The following FYB1 variants were observed in gnomAD, a reference collection of about 807,000 sequenced individuals.
The protein encoded by FYB1 is FYN binding protein 1, also known as FYN-binding protein 1.
In FYB1, 41 loss-of-function variants were observed where a neutral mutation model predicts 94.1. That is an observed-to-expected ratio of 0.44 (90% CI 0.34 to 0.57). FYB1 has a LOEUF of 0.57. Ranked by LOEUF, FYB1 falls within the 20% of genes least tolerant of loss-of-function variation. The pLI is 0.02. For missense variants in FYB1, 1,050 were observed against 976.8 expected (o/e 1.07, Z -1.00); for synonymous variants, 367 against 353.2 (o/e 1.04, Z -0.44).
At chr5:39,155,669 G>C (rs1743682689) in intron 2 of FYB1, among the ~76,000 whole-genome samples, 1 of 151,962 alleles carries the variant, frequency 6.6e-6, no homozygotes, top group Non-Finnish European at 1.5e-5. Context: ...CTTCGCTGTG[G>C]CTTAGTTTTT....
upstream of FYB1, among the ~76,000 whole-genome samples, chr5:39,220,314 G>C (rs1352545389): frequency 6.6e-6 from 1 of 151,698 alleles, no homozygotes; most frequent in Non-Finnish European, 1.5e-5. Context: ...GGGAAGCTGA[G>C]GTGGGAGGAT....
intron 18 of FYB1, 66 bp from the exon 19 acceptor site, chr5:39,107,531 T>C: frequency 8.7e-7 from 1 of 1,150,770 alleles, no homozygotes; most frequent in Middle Eastern, 2.7e-4. Context: ...ATTCCAAGTT[T>C]GGAAATGTGG....
chr5:39,235,081 A>G (rs983435158), intron 1 of FYB1, among the ~76,000 whole-genome samples: 3 of 143,684 alleles, frequency 2.1e-5, no homozygotes, highest in Non-Finnish European at 4.5e-5. Context: ...TAATAATAAT[A>G]ATGATAAATC....
At chr5:39,244,405 T>TG (rs879708848) in intron 1 of FYB1, among the ~76,000 whole-genome samples, 24,251 of 151,562 alleles carry the variant, frequency 0.16, 5,117 homozygotes, top group African/African-American at 0.47. Flanking sequence ...ATAATCATGT[T>TG]TTTTGTCTTT....
At chr5:39,120,201 C>T (rs145689068) in intron 14 of FYB1, among the ~76,000 whole-genome samples, 1 of 151,450 alleles carries the variant, frequency 6.6e-6, no homozygotes, top group Admixed American at 6.6e-5. Flanking sequence ...TATTACTGAT[C>T]TTTATCTTCA....
chr5:39,192,204 G>A (rs1427064193), intron 2 of FYB1, among the ~76,000 whole-genome samples: 3 of 152,156 alleles, frequency 2.0e-5, no homozygotes, highest in Non-Finnish European at 4.4e-5. Context: ...ATGCACAATC[G>A]AAAGGAAGTC....
At chr5:39,156,127 C>T (rs1043448781) in intron 2 of FYB1, among the ~76,000 whole-genome samples, 12 of 151,980 alleles carry the variant, frequency 7.9e-5, no homozygotes, top group African/African-American at 1.5e-4. Context: ...GACTTAAGGC[C>T]GACAAGTGAG....
intron 9 of FYB1, among the ~76,000 whole-genome samples, chr5:39,132,272 T>G (rs1056202822): frequency 6.6e-6 from 1 of 152,204 alleles, no homozygotes; most frequent in African/African-American, 2.4e-5. Flanking sequence ...TCTCTTCTTA[T>G]TCTTGCCAGG....
At chr5:39,195,030 C>T (rs1747706937) in intron 2 of FYB1, among the ~76,000 whole-genome samples, 2 of 152,146 alleles carry the variant, frequency 1.3e-5, no homozygotes, top group African/African-American at 4.8e-5. Flanking sequence ...TTACCCGAAG[C>T]TGAACCACGC....
intron 1 of FYB1, among the ~76,000 whole-genome samples, chr5:39,213,680 G>A (rs1023084586): frequency 1.3e-5 from 2 of 152,064 alleles, no homozygotes; most frequent in Non-Finnish European, 2.9e-5. Flanking sequence ...GTTGGTGTGG[G>A]GGTGAGGTGT....
chr5:39,228,156 C>T lies in FYB1; in HGVS notation c.-27-25169G>A, dbSNP rs76987391. The stretch of plus-strand genomic sequence containing the variant: ...GATCTGGGGTCCTGGCCATACAAAT[C>T]AGGATGAATAGAACTACATTTAGTT... On this transcript the variant is annotated intron_variant, in intron 1 of 1. Coordinates refer to the FYB1 transcript ENST00000510188. Among the ~76,000 whole-genome samples the T allele has an allele frequency of 2.4e-3, 365 of 152,212 alleles. 13 individuals are homozygous for T. The East Asian group carries it at 0.059, about 25-fold the overall frequency.
rs1478605120 is a variant in FYB1, at chr5:39,202,135, A to C, written c.826T>G (p.Ser276Ala). Residue 276 changes from serine (S) to alanine (A), a missense_variant, in exon 2 of 19, where the codon TCC becomes GCC. By Grantham distance (99) the Ser-to-Ala change is moderately conservative (BLOSUM62 1). Coordinates refer to ENST00000512982, the MANE Select transcript of FYB1 (RefSeq NM_001465.6). ...PAASRGGPGLSKNGEEKKEDR... is the reference protein window; with the variant it reads ...PAASRGGPGLAKNGEEKKEDR... Reference sequence around the variant, plus strand: ...TCCTTTTTTTCTTCACCATTTTTGGAGAGACCTGGGCCTCCCCTGCTCGCA... The same window carrying C: ...TCCTTTTTTTCTTCACCATTTTTGGCGAGACCTGGGCCTCCCCTGCTCGCA... The C allele has an allele frequency of 1.2e-6, 2 of 1,613,910 alleles. No individual in the cohort carries two copies. Among genetic ancestry groups the C allele is most frequent in the South Asian group, 2.2e-5 (2 of 91,076 alleles).
Position 39,231,135 on chromosome 5 carries a change from C to T in FYB1, c.-27-28148G>A, listed in dbSNP as rs573358243. Among the ~76,000 whole-genome samples, 49 of 130,116 alleles carry T rather than the reference C, an allele frequency of 3.8e-4. 1 individual carries two copies. The South Asian group carries it at 4.9e-3, about 13-fold the overall frequency. The allele number at this position is 130,116 out of a possible 152,430, so 85.4% of individuals were successfully genotyped here. A position where few individuals can be genotyped will look rare whatever the true frequency, so the allele number is the denominator to read the frequency against. Reference sequence around the variant, plus strand: ...CAGTTTGATGGAATAGAAAAAAGTACTCAGCTCAGAGCAAAAAAAAAAAAA... The same window carrying T: ...CAGTTTGATGGAATAGAAAAAAGTATTCAGCTCAGAGCAAAAAAAAAAAAA... On this transcript the variant is annotated intron_variant, in intron 1 of 1. Coordinates refer to the FYB1 transcript ENST00000510188.
At chr5:39,176,688 A>G (rs940331375) in intron 2 of FYB1, among the ~76,000 whole-genome samples, 2 of 152,224 alleles carry the variant, frequency 1.3e-5, no homozygotes, top group South Asian at 4.1e-4. Context: ...ACAGTCATAA[A>G]TTGTGGGAAA....
chr5:39,122,834 C>T (rs1001436132), intron 13 of FYB1, among the ~76,000 whole-genome samples: 1 of 152,064 alleles, frequency 6.6e-6, no homozygotes, highest in Non-Finnish European at 1.5e-5. Context: ...ATTTAAATGT[C>T]TCTCTCCTTC....
At chr5:39,198,271 C>T (rs1344130813) in intron 2 of FYB1, among the ~76,000 whole-genome samples, 2 of 152,074 alleles carry the variant, frequency 1.3e-5, no homozygotes, top group Admixed American at 6.5e-5. Flanking sequence ...TGCTTAAACC[C>T]CAGGTCCACT....
intron 4 of FYB1, among the ~76,000 whole-genome samples, chr5:39,140,611 C>T (rs191611469): frequency 9.9e-5 from 15 of 152,168 alleles, no homozygotes; most frequent in Non-Finnish European, 2.1e-4. Context: ...CTGAGAGGTC[C>T]GCATGGGGAT....
intron 2 of FYB1, among the ~76,000 whole-genome samples, chr5:39,167,602 C>T (rs1744856394): frequency 6.6e-6 from 1 of 152,116 alleles, no homozygotes; most frequent in Non-Finnish European, 1.5e-5. Flanking sequence ...TAGGGATAGT[C>T]CAGGTTTGTT....
intron 1 of FYB1, among the ~76,000 whole-genome samples, chr5:39,232,905 T>C (rs1750809494): frequency 6.6e-6 from 1 of 152,124 alleles, no homozygotes; most frequent in African/African-American, 2.4e-5. Context: ...ACTCATCATT[T>C]TTTATGGCTG....
Sources: gnomAD v4.1 joint callset for allele counts (sites outside exome capture counted in the v4.1 genomes callset) on GRCh38, gnomAD v4.1.1 for gene constraint, MANE v1.5 for transcripts, NCBI Gene and HGNC (gene_info 2026-07-23, HGNC 2026-07-21) for gene names.